ADAMTSL3: variants seen among roughly 807,000 people sequenced by gnomAD.
The protein encoded by ADAMTSL3 is ADAMTS-like protein 3.
A neutral mutation model predicts 201.7 loss-of-function variants in ADAMTSL3; 128 were observed. That is an observed-to-expected ratio of 0.63 (90% CI 0.55 to 0.73). The LOEUF is 0.73. ADAMTSL3 is among the 30% of genes least tolerant of loss of function. ADAMTSL3 has a pLI of 0.00. For synonymous variants in ADAMTSL3, 738 were observed against 748.4 expected (o/e 0.99, Z 0.23); for missense variants, 1,990 against 2,119.6 (o/e 0.94, Z 1.20).
chr15:83,985,928 C>T (rs1017111467), intron 21 of ADAMTSL3, among the ~76,000 whole-genome samples: 13 of 152,138 alleles, frequency 8.5e-5, no homozygotes, highest in African/African-American at 2.9e-4. Flanking sequence ...CCACGCCTGG[C>T]CGTTAAGGAC....
intron 7 of ADAMTSL3, among the ~76,000 whole-genome samples, chr15:83,844,112 A>G (rs911705050): frequency 6.6e-6 from 1 of 152,214 alleles, no homozygotes; most frequent in African/African-American, 2.4e-5. Flanking sequence ...GTGTGAGGCA[A>G]ATAAACAAGA....
intron 2 of ADAMTSL3, among the ~76,000 whole-genome samples, chr15:83,692,400 T>C (rs192730900): frequency 1.3e-5 from 2 of 152,102 alleles, no homozygotes; most frequent in Non-Finnish European, 2.9e-5. Context: ...TTTAAGAGTT[T>C]TGAGGCTGGG....
chr15:83,662,670 C>G (rs550206017), intron 2 of ADAMTSL3, among the ~76,000 whole-genome samples: 44 of 152,008 alleles, frequency 2.9e-4, no homozygotes, highest in African/African-American at 1.1e-3. Flanking sequence ...TCCCTTTCCT[C>G]TAGTCTGGGC....
At chr15:83,793,003 T>C (rs550885813) in intron 4 of ADAMTSL3, among the ~76,000 whole-genome samples, 12 of 152,224 alleles carry the variant, frequency 7.9e-5, no homozygotes, top group Non-Finnish European at 1.3e-4. Flanking sequence ...TATTCAGCCA[T>C]GAAAAATGAA....
intron 3 of ADAMTSL3, among the ~76,000 whole-genome samples, chr15:83,727,786 G>A (rs963187034): frequency 2.6e-5 from 4 of 151,920 alleles, no homozygotes; most frequent in Admixed American, 6.6e-5. Flanking sequence ...GGCCTAACAT[G>A]TGGTCTATCC....
intron 25 of ADAMTSL3, among the ~76,000 whole-genome samples, chr15:84,016,768 T>C (rs2068094173): frequency 6.6e-6 from 1 of 152,234 alleles, no homozygotes; most frequent in Non-Finnish European, 1.5e-5. Context: ...TAGATATTGA[T>C]TTCCAGTTTC....
chr15:83,876,241 ATTG>A lies in ADAMTSL3; in HGVS notation c.960+5288_960+5290del, dbSNP rs536775111. ...AACTCGTTTATTGGTTCCTTGCGTAATTGTTGTTTTGTTCAGACCATCCAAACA... is the reference window on the plus strand; with the variant it reads ...AACTCGTTTATTGGTTCCTTGCGTAATTGTTTTGTTCAGACCATCCAAACA... On this transcript the variant is annotated intron_variant, in intron 9 of 29. Coordinates refer to ENST00000286744, the MANE Select transcript of ADAMTSL3 (RefSeq NM_207517.3). 1.2e-3 allele frequency among the ~76,000 whole-genome samples: 190 copies of A among 152,120 alleles called. No homozygotes were observed. The Middle Eastern group carries it at 0.017, about 14-fold the overall frequency.
At chr15:83,714,791 T>TTCTCTTTCTTTCTTTTTCTTTCTC (rs2061983012) in intron 3 of ADAMTSL3, among the ~76,000 whole-genome samples, 1 of 78,796 alleles carries the variant, frequency 1.3e-5, no homozygotes, top group Admixed American at 1.8e-4. Context: ...TTCTTTTTCT[T>TTCTCTTTCTTTCTTTTTCTTTCTC]TCTCTCTCTT....
intron 19 of ADAMTSL3, among the ~76,000 whole-genome samples, chr15:83,967,354 C>G (rs566986031): frequency 8.9e-4 from 136 of 152,244 alleles, no homozygotes; most frequent in Middle Eastern, 3.4e-3. Flanking sequence ...AATCAATGTG[C>G]AAAAATCACA....
intron 15 of ADAMTSL3, 30 bp from the exon 16 acceptor site, chr15:83,913,062 C>G: frequency 6.2e-7 from 1 of 1,606,382 alleles, no homozygotes; most frequent in Non-Finnish European, 8.5e-7. Context: ...CCTCAGTGTC[C>G]TTTTCTGGTG....
intron 16 of ADAMTSL3, among the ~76,000 whole-genome samples, chr15:83,922,339 A>G (rs974973158): frequency 1.3e-5 from 2 of 152,242 alleles, no homozygotes; most frequent in African/African-American, 4.8e-5. Flanking sequence ...TGAGTGTTGT[A>G]CAATTCCACC....
chr15:83,941,810 C>T (rs1332900660), intron 17 of ADAMTSL3, among the ~76,000 whole-genome samples: 1 of 152,188 alleles, frequency 6.6e-6, no homozygotes, highest in Admixed American at 6.5e-5. Flanking sequence ...ATGGTTTCCT[C>T]ATGATGTATC....
chr15:83,868,094 A>G (rs1039567635), intron 8 of ADAMTSL3, among the ~76,000 whole-genome samples: 4 of 152,104 alleles, frequency 2.6e-5, no homozygotes, highest in African/African-American at 9.7e-5. Context: ...GGGCAGCAGG[A>G]AAGAAGGCTC....
At chr15:83,662,081 C>G (rs572595080) in intron 2 of ADAMTSL3, among the ~76,000 whole-genome samples, 67 of 143,606 alleles carry the variant, frequency 4.7e-4, no homozygotes, top group Admixed American at 3.5e-4. Context: ...GGGTATACAC[C>G]CAAATGACTA....
chr15:83,892,980 CAA>C (rs908567872), intron 13 of ADAMTSL3, 92 bp downstream of exon 13: 4 of 1,203,890 alleles, frequency 3.3e-6, no homozygotes, highest in African/African-American at 3.2e-5. Context: ...AGCATGGAGA[CAA>C]AAAAAAAGTG....
chr15:83,918,174 C>A (rs1304085093), intron 16 of ADAMTSL3, among the ~76,000 whole-genome samples: 1 of 152,198 alleles, frequency 6.6e-6, no homozygotes, highest in East Asian at 1.9e-4. Context: ...ATTCCAGGAA[C>A]AATTGTAAAT....
intron 19 of ADAMTSL3, among the ~76,000 whole-genome samples, chr15:83,945,469 CT>C (rs1596451487): frequency 6.6e-6 from 1 of 152,102 alleles, no homozygotes; most frequent in East Asian, 1.9e-4. Flanking sequence ...GAGAATCATT[CT>C]TTTGGGAATT....
At chr15:83,881,922 G>A (rs2065280205) in intron 9 of ADAMTSL3, among the ~76,000 whole-genome samples, 1 of 152,168 alleles carries the variant, frequency 6.6e-6, no homozygotes, top group South Asian at 2.1e-4. Flanking sequence ...GGGAAGCGGA[G>A]GTGGGCGGAT....
intron 20 of ADAMTSL3, among the ~76,000 whole-genome samples, chr15:83,973,128 C>T (rs2067225805): frequency 6.6e-6 from 1 of 152,180 alleles, no homozygotes; most frequent in Non-Finnish European, 1.5e-5. Flanking sequence ...CTTTCTAACA[C>T]CTGATATCCC....
Sources: gnomAD v4.1 joint callset for allele counts (sites outside exome capture counted in the v4.1 genomes callset) on GRCh38, gnomAD v4.1.1 for gene constraint, MANE v1.5 for transcripts, NCBI Gene and HGNC (gene_info 2026-07-23, HGNC 2026-07-21) for gene names.